PCDH15: variants seen among roughly 807,000 people sequenced by gnomAD.
PCDH15 encodes the protein protocadherin-15.
In PCDH15, 129 loss-of-function variants were observed where a neutral mutation model predicts 178.5. That is an observed-to-expected ratio of 0.72 (90% CI 0.63 to 0.84). The LOEUF is 0.84. Among genes scored for constraint, PCDH15 ranks in the 40% least tolerant of loss-of-function variants. PCDH15 has a pLI of 0.00. For synonymous variants in PCDH15, 800 were observed against 732.0 expected (o/e 1.09, Z -1.50); for missense variants, 2,230 against 2,099.9 (o/e 1.06, Z -1.21).
intron 15 of PCDH15, among the ~76,000 whole-genome samples, chr10:54,111,313 T>C (rs968979819): frequency 1.4e-4 from 22 of 152,160 alleles, no homozygotes; most frequent in African/African-American, 5.1e-4. Flanking sequence ...TATTAAATAG[T>C]TGCCCAAGCA....
At chr10:55,093,587 C>G (rs1228284517) in intron 2 of PCDH15, among the ~76,000 whole-genome samples, 1 of 151,838 alleles carries the variant, frequency 6.6e-6, no homozygotes, top group African/African-American at 2.4e-5. Flanking sequence ...GCTAGGTTTT[C>G]TTCTAGTGTT....
chr10:54,010,369 A>G (rs2092539123), intron 20 of PCDH15, among the ~76,000 whole-genome samples: 1 of 151,968 alleles, frequency 6.6e-6, no homozygotes, highest in Admixed American at 6.6e-5. Flanking sequence ...GCAGCTCTGT[A>G]CTTTCCTGGG....
chr10:54,736,053 A>G (rs1944074450), intron 1 of PCDH15, among the ~76,000 whole-genome samples: 1 of 152,006 alleles, frequency 6.6e-6, no homozygotes, highest in Non-Finnish European at 1.5e-5. Flanking sequence ...GAATGTCAAG[A>G]TCTCGACTTT....
At chr10:55,175,558 G>T (rs927183813) in intron 1 of PCDH15, among the ~76,000 whole-genome samples, 3 of 151,458 alleles carry the variant, frequency 2.0e-5, no homozygotes, top group African/African-American at 4.9e-5. Context: ...AGGTACTTGG[G>T]GGGTGGCTGG....
At chr10:55,334,312 A>ATTT (rs199903169) in intron 2 of PCDH15, among the ~76,000 whole-genome samples, 12 of 122,702 alleles carry the variant, frequency 9.8e-5, no homozygotes, top group South Asian at 2.5e-4. Context: ...ATATATATAT[A>ATTT]TATTTTTTTT....
chr10:54,813,543 T>C (rs908684566), intron 3 of PCDH15, among the ~76,000 whole-genome samples: 2 of 152,158 alleles, frequency 1.3e-5, no homozygotes, highest in Non-Finnish European at 2.9e-5. Flanking sequence ...GGGATCACTT[T>C]CATTCCTAAT....
intron 23 of PCDH15, among the ~76,000 whole-genome samples, chr10:53,948,304 C>T (rs1052005537): frequency 5.3e-5 from 8 of 152,086 alleles, no homozygotes; most frequent in African/African-American, 2.4e-5. Flanking sequence ...TTATTCCTCT[C>T]GCTTGAAAAT....
rs577402177 is a variant in PCDH15, at chr10:54,368,497, AAAAAT to A, written c.474+618_474+622del. Reference sequence around the variant, plus strand: ...TTAATACAGTAACCACGGTTTAAAAAAAAATAAAAGTGGTTCTTCACTTATGCACT... The same window carrying A: ...TTAATACAGTAACCACGGTTTAAAAAAAAAGTGGTTCTTCACTTATGCACT... On this transcript the variant is annotated intron_variant, in intron 5 of 37. Coordinates refer to ENST00000644397, the MANE Select transcript of PCDH15 (RefSeq NM_001384140.1). Among the ~76,000 whole-genome samples, 577 of 152,208 alleles carry A rather than the reference AAAAAT, an allele frequency of 3.8e-3. 4 individuals are homozygous for A. Among genetic ancestry groups the A allele is most frequent in the African/African-American group, 0.012 (518 of 41,574 alleles).
chr10:55,385,717 A>G (rs1472616829), intron 2 of PCDH15, among the ~76,000 whole-genome samples: 1 of 145,780 alleles, frequency 6.9e-6, no homozygotes, highest in Admixed American at 6.9e-5. Context: ...ATATATATAT[A>G]TGCATATATA....
intron 2 of PCDH15, among the ~76,000 whole-genome samples, chr10:54,627,893 T>G (rs2093600965): frequency 6.6e-6 from 1 of 152,204 alleles, no homozygotes; most frequent in Admixed American, 6.5e-5. Flanking sequence ...CGGAGGAGCC[T>G]GACTAAAGTC....
At chr10:55,408,126 C>G (rs1007705313) in intron 2 of PCDH15, among the ~76,000 whole-genome samples, 1 of 151,882 alleles carries the variant, frequency 6.6e-6, no homozygotes, top group Non-Finnish European at 1.5e-5. Flanking sequence ...CTGCAGAAAA[C>G]AGAAAGAGAT....
rs189655364 is a variant in PCDH15, at chr10:54,816,407, A to G, written c.-29+81043T>C. On this transcript the variant is annotated intron_variant, in intron 3 of 5. Transcript: ENST00000458638. Reference sequence around the variant, plus strand: ...AAGACACAGTTACAAAGTTAGAAGCATTTCAAGGCACTTTATTAGTTATTT... The same window carrying G: ...AAGACACAGTTACAAAGTTAGAAGCGTTTCAAGGCACTTTATTAGTTATTT... Among the ~76,000 whole-genome samples the G allele has an allele frequency of 1.3e-3, 194 of 152,202 alleles. 1 individual carries two copies. The highest frequency in any genetic ancestry group is 4.5e-3 in the African/African-American group (187 of 41,572).
chr10:54,757,650 A>T (rs10763141), intron 1 of PCDH15, among the ~76,000 whole-genome samples: 1 of 151,862 alleles, frequency 6.6e-6, no homozygotes, highest in East Asian at 1.9e-4. Context: ...TGGTAGTCAC[A>T]GTGCTATGCC....
chr10:55,176,803 C>A (rs1301061107), intron 1 of PCDH15, among the ~76,000 whole-genome samples: 3 of 152,086 alleles, frequency 2.0e-5, no homozygotes, highest in Non-Finnish European at 2.9e-5. Context: ...TACCACTACA[C>A]CCTGACTTCC....
intron 3 of PCDH15, among the ~76,000 whole-genome samples, chr10:54,871,040 ACT>A (rs1400814995): frequency 6.6e-6 from 1 of 152,138 alleles, no homozygotes; most frequent in Non-Finnish European, 1.5e-5. Flanking sequence ...TTTAAGGATG[ACT>A]CTCAACCAGT....
intron 3 of PCDH15, among the ~76,000 whole-genome samples, chr10:54,406,350 A>C (rs1589244486): frequency 6.6e-6 from 1 of 152,134 alleles, no homozygotes; most frequent in Non-Finnish European, 1.5e-5. Context: ...TAAATAAATA[A>C]ATAAATGGAC....
At chr10:54,529,025 T>A (rs1253026934) in intron 2 of PCDH15, among the ~76,000 whole-genome samples, 2 of 152,002 alleles carry the variant, frequency 1.3e-5, no homozygotes, top group African/African-American at 2.4e-5. Context: ...CAAATTAATT[T>A]TGCTTGAAGT....
At chr10:55,132,017 T>G (rs1838063135) in intron 2 of PCDH15, among the ~76,000 whole-genome samples, 1 of 152,084 alleles carries the variant, frequency 6.6e-6, no homozygotes, top group South Asian at 2.1e-4. Context: ...GTCCCCAAGC[T>G]GTTCATGTGG....
At chr10:53,890,577 G>A (rs2081488320) in intron 26 of PCDH15, among the ~76,000 whole-genome samples, 5 of 152,120 alleles carry the variant, frequency 3.3e-5, no homozygotes, top group Admixed American at 2.6e-4. Flanking sequence ...GACCATAAAT[G>A]TCTAGGGGGA....
Sources: allele counts gnomAD v4.1 joint callset (sites outside exome capture counted in the v4.1 genomes callset), GRCh38; gene constraint gnomAD v4.1.1; transcripts MANE v1.5; gene names NCBI Gene and HGNC (gene_info 2026-07-23, HGNC 2026-07-21).